The following C8orf34 variants were observed in gnomAD, a reference collection of about 807,000 sequenced individuals.
C8orf34 encodes uncharacterized protein C8orf34.
Under a neutral mutation model 68.3 loss-of-function variants are expected in C8orf34, and 65 were observed. That is an observed-to-expected ratio of 0.95 (90% CI 0.78 to 1.17). The LOEUF is 1.17. C8orf34 is among the 50% of genes most tolerant of loss of function. The probability of loss-of-function intolerance (pLI) is 0.00; values close to 1 mark genes in which losing one functional copy is unlikely to be tolerated. For synonymous variants in C8orf34, 244 were observed against 241.2 expected, an observed-to-expected ratio of 1.01 and a Z score of -0.11; for missense variants, 664 against 655.4, an observed-to-expected ratio of 1.01 and a Z score of -0.14.
intron 1 of C8orf34, among the ~76,000 whole-genome samples, chr8:68,354,852 A>G (rs1027247877): frequency 6.6e-6 from 1 of 152,108 alleles, no homozygotes; most frequent in Non-Finnish European, 1.5e-5. Context: ...CATCTGTGCA[A>G]TAGCCCTGTA....
At chr8:68,444,981 A>G (rs1811060462) in intron 2 of C8orf34, among the ~76,000 whole-genome samples, 1 of 152,224 alleles carries the variant, frequency 6.6e-6, no homozygotes, top group Non-Finnish European at 1.5e-5. Flanking sequence ...CAACATAAGG[A>G]GATGACTCCA....
intron 10 of C8orf34, among the ~76,000 whole-genome samples, chr8:68,771,689 G>A (rs1351462805): frequency 6.6e-6 from 1 of 151,850 alleles, no homozygotes; most frequent in South Asian, 2.1e-4. Flanking sequence ...TTTTGCTCAA[G>A]CACTATTCTT....
chr8:68,626,949 A>G (rs1242752451), intron 7 of C8orf34, among the ~76,000 whole-genome samples: 3 of 152,040 alleles, frequency 2.0e-5, no homozygotes, highest in Non-Finnish European at 4.4e-5. Flanking sequence ...GAAATATTAA[A>G]TATATAAGAT....
chr8:68,394,212 A>G (rs1472320952), intron 1 of C8orf34, among the ~76,000 whole-genome samples: 271 of 134,250 alleles, frequency 2.0e-3, no homozygotes, highest in East Asian at 2.6e-3. Context: ...AACATTAGGT[A>G]TATCTCCCAA....
intron 1 of C8orf34, among the ~76,000 whole-genome samples, chr8:68,418,226 C>G (rs1809766414): frequency 7.3e-6 from 1 of 137,716 alleles, no homozygotes; most frequent in Non-Finnish European, 1.6e-5. Context: ...GATATACAAT[C>G]ATGTCATCTG....
rs537760492 is a variant in C8orf34, at chr8:68,679,873, C to T, written c.1242-29121C>T. Among the ~76,000 whole-genome samples, 14 of 152,244 alleles carry T rather than the reference C, an allele frequency of 9.2e-5. No homozygotes were observed. The East Asian group carries it at 2.7e-3, about 29-fold the overall frequency. On this transcript the variant is annotated intron_variant, in intron 8 of 13. Transcript: ENST00000518698. ...AAATGGTGCTGGGAAAACTGGATAT[C>T]TACATTCAGAAGAATGAAACTAGAC...
At chr8:68,614,903 G>T (rs1231302127) in intron 7 of C8orf34, among the ~76,000 whole-genome samples, 1 of 152,176 alleles carries the variant, frequency 6.6e-6, no homozygotes, top group East Asian at 1.9e-4. Flanking sequence ...TCACGATATT[G>T]ATTCTTCCTA....
intron 10 of C8orf34, among the ~76,000 whole-genome samples, chr8:68,736,100 C>A (rs763916625): frequency 2.6e-5 from 4 of 152,130 alleles, no homozygotes; most frequent in Non-Finnish European, 4.4e-5. Flanking sequence ...AATAAATCAT[C>A]TTTTGTATAT....
At chr8:68,336,698 G>A (rs1244210456) in intron 1 of C8orf34, among the ~76,000 whole-genome samples, 1 of 152,184 alleles carries the variant, frequency 6.6e-6, no homozygotes, top group Non-Finnish European at 1.5e-5. Context: ...AGCACACCTA[G>A]CATCCACATT....
At chr8:68,725,286 A>C (rs1316418323) in intron 10 of C8orf34, among the ~76,000 whole-genome samples, 1 of 152,186 alleles carries the variant, frequency 6.6e-6, no homozygotes, top group Non-Finnish European at 1.5e-5. Flanking sequence ...TTTTCCTTGT[A>C]AATTTTTTAA....
chr8:68,420,323 C>T (rs1280151759), intron 1 of C8orf34, among the ~76,000 whole-genome samples: 1 of 152,068 alleles, frequency 6.6e-6, no homozygotes. Flanking sequence ...TACATTAATT[C>T]TCACAAAAGC....
chr8:68,767,552 C>A (rs67228089), intron 10 of C8orf34, among the ~76,000 whole-genome samples: 44,470 of 151,894 alleles, frequency 0.29, 6,960 homozygotes, highest in African/African-American at 0.39. Context: ...TCAACATGCT[C>A]CTTCAGTTCT....
chr8:68,715,483 A>G (rs1253468273), intron 9 of C8orf34, among the ~76,000 whole-genome samples: 3 of 152,176 alleles, frequency 2.0e-5, no homozygotes, highest in Non-Finnish European at 4.4e-5. Flanking sequence ...GACATTTCTC[A>G]AAAGAGGATA....
In C8orf34 at chr8:68,457,912, G is replaced by A. The variant is rs143613400; in HGVS notation, c.608-10780G>A. On this transcript the variant is annotated intron_variant, in intron 3 of 13. Transcript: ENST00000518698. ...AACCCTTTACTTTTTAGTGTAGTAT[G>A]ACTTAAATAATGTTTTCAATCTATC... is the stretch of plus-strand genomic sequence containing the variant. Among the ~76,000 whole-genome samples, 327 of 151,962 alleles carry A rather than the reference G, an allele frequency of 2.2e-3. 1 individual carries two copies. The highest frequency in any genetic ancestry group is 7.1e-3 in the African/African-American group (294 of 41,420).
rs767403520 is a variant in C8orf34 at position 68,815,895 on chromosome 8, ATCT to A, written c.1567_1569del (p.Leu523del). On this transcript the variant is annotated inframe_deletion, in exon 13 of 14. Coordinates refer to ENST00000518698, the MANE Select transcript of C8orf34 (RefSeq NM_052958.4). Reference sequence around the variant, plus strand: ...TTCTTTTGTTGTGCAGGTTCCGCTGATCTTCTTCTTTGCGTTCCATGCTCTTCT... The same window carrying A: ...TTCTTTTGTTGTGCAGGTTCCGCTGATCTTCTTTGCGTTCCATGCTCTTCT... 52 of 1,613,700 alleles carry A rather than the reference ATCT, an allele frequency of 3.2e-5. No individual in the cohort carries two copies. The highest frequency in any genetic ancestry group is 8.3e-5 in the Admixed American group (5 of 59,992).
In C8orf34 at chr8:68,360,784, G is replaced by A. The variant is rs532303905; in HGVS notation, c.327+29445G>A. On this transcript the variant is annotated intron_variant, in intron 1 of 13. Coordinates refer to ENST00000518698, the MANE Select transcript of C8orf34 (RefSeq NM_052958.4). The stretch of plus-strand genomic sequence containing the variant: ...TTTTTTTTTTTTTTTCTTGAGCCTC[G>A]CTCTGTCACCCAGTCTGGAGTGCAG... Among the ~76,000 whole-genome samples, 10 of 127,434 alleles carry A rather than the reference G, an allele frequency of 7.8e-5. 1 individual carries two copies. The South Asian group carries it at 1.2e-3, about 15-fold the overall frequency. The allele number at this position is 127,434 out of a possible 152,430, so 83.6% of individuals were successfully genotyped here. A position where few individuals can be genotyped will look rare whatever the true frequency, so the allele number is the denominator to read the frequency against.
At chr8:68,422,459 T>C (rs1203268602) in intron 1 of C8orf34, among the ~76,000 whole-genome samples, 1 of 152,192 alleles carries the variant, frequency 6.6e-6, no homozygotes, top group Non-Finnish European at 1.5e-5. Flanking sequence ...ACTCCATGTC[T>C]CACATCAAGG....
At chr8:68,550,984 G>A (rs1409960306) in intron 7 of C8orf34, among the ~76,000 whole-genome samples, 2 of 151,294 alleles carry the variant, frequency 1.3e-5, no homozygotes, top group Non-Finnish European at 3.0e-5. Flanking sequence ...GTATGCCTAG[G>A]TATAGTTCTA....
chr8:68,540,464 G>A (rs938172965), intron 7 of C8orf34, among the ~76,000 whole-genome samples: 1 of 151,602 alleles, frequency 6.6e-6, no homozygotes, highest in South Asian at 2.1e-4. Flanking sequence ...TTGGACTAGC[G>A]CTTTTTCACT....
Sources: gnomAD v4.1 joint callset for allele counts (sites outside exome capture counted in the v4.1 genomes callset) on GRCh38, gnomAD v4.1.1 for gene constraint, MANE v1.5 for transcripts, NCBI Gene and HGNC (gene_info 2026-07-23, HGNC 2026-07-21) for gene names.